TMEM50B: variants seen among roughly 807,000 people sequenced by gnomAD.
TMEM50B encodes HCV p7-trans-regulated protein 3.
A neutral mutation model predicts 23.4 loss-of-function variants in TMEM50B; 14 were observed. That is an observed-to-expected ratio of 0.60 (90% CI 0.39 to 0.93). The LOEUF is 0.93. Among genes scored for constraint, TMEM50B ranks in the 40% least tolerant of loss-of-function variants. The pLI, the probability that TMEM50B is intolerant of heterozygous loss-of-function variation, is 0.00. For missense variants in TMEM50B, 159 were observed against 193.0 expected, an observed-to-expected ratio of 0.82 and a Z score of 1.04; for synonymous variants, 64 against 62.3, an observed-to-expected ratio of 1.03 and a Z score of -0.13.
intron 1 of TMEM50B, among the ~76,000 whole-genome samples, chr21:33,470,507 G>A (rs1385150880): frequency 3.3e-5 from 5 of 151,236 alleles, no homozygotes; most frequent in Admixed American, 6.6e-5. Context: ...CAAGGCAGGC[G>A]GATCACGAAG....
At chr21:33,465,543 AACC>A in intron 3 of TMEM50B, 134 bp from the exon 4 acceptor site, 1 of 628,550 alleles carries the variant, frequency 1.6e-6, no homozygotes, top group South Asian at 3.0e-5. Context: ...ACATATTTTT[AACC>A]TAATAAAAAT....
At chr21:33,447,339 A>ACAG (rs2084071263), downstream of TMEM50B, among the ~76,000 whole-genome samples, 1 of 58,494 alleles carries the variant, frequency 1.7e-5, no homozygotes, top group Non-Finnish European at 2.8e-5. Context: ...GTGCACACCT[A>ACAG]TAGTAGACTG....
At chr21:33,456,934 T>G (rs538103606) in intron 5 of TMEM50B, among the ~76,000 whole-genome samples, 9 of 152,326 alleles carry the variant, frequency 5.9e-5, no homozygotes, top group African/African-American at 1.9e-4. Context: ...CTCTCTGAAA[T>G]AAAGTCATAT....
chr21:33,477,610 G>C (rs897508060), intron 1 of TMEM50B, among the ~76,000 whole-genome samples: 23 of 10,966 alleles, frequency 2.1e-3, no homozygotes, highest in African/African-American at 0.016. Context: ...GCCGAGGCGG[G>C]GGGGGGTTAC....
intron 4 of TMEM50B, among the ~76,000 whole-genome samples, chr21:33,462,168 T>G (rs771533563): frequency 1.7e-4 from 26 of 152,180 alleles, no homozygotes; most frequent in Non-Finnish European, 3.4e-4. Context: ...TATTTATTAT[T>G]TTGATACTTT....
chr21:33,456,383 CA>C (rs1370754610), intron 5 of TMEM50B, among the ~76,000 whole-genome samples: 2 of 152,142 alleles, frequency 1.3e-5, no homozygotes, highest in Non-Finnish European at 2.9e-5. Flanking sequence ...GGAGTTTTAT[CA>C]TGCAAATATG....
At position 33,449,560 on chromosome 21, in the gene TMEM50B, T is replaced by C. The variant is rs1464586149; in HGVS notation, c.*1258A>G. 6.6e-6 allele frequency: 1 copy of C among 152,278 alleles called. No homozygotes were observed. The highest frequency in any genetic ancestry group is 1.5e-5 in the Non-Finnish European group (1 of 68,044). The allele number at this position is 152,278 out of a possible 1,614,324, so 9.4% of individuals were successfully genotyped here. A position where few individuals can be genotyped will look rare whatever the true frequency, so the allele number is the denominator to read the frequency against. On this transcript the variant is annotated 3_prime_UTR_variant, in exon 7 of 7. Coordinates refer to ENST00000542230, the MANE Select transcript of TMEM50B (RefSeq NM_006134.7). ...CAAACTCAGTAAAAGGAGTTTTTGA[T>C]TGGAGTATGAACTTTCAAGTTGAAG...
intron 8 of TMEM50B, among the ~76,000 whole-genome samples, chr21:33,433,310 A>G (rs1237835902): frequency 6.6e-6 from 1 of 152,156 alleles, no homozygotes; most frequent in Non-Finnish European, 1.5e-5. Context: ...TTGTTTGTAC[A>G]CCCATGTTCA....
chr21:33,433,178 G>A (rs1467726487), intron 8 of TMEM50B, among the ~76,000 whole-genome samples: 6 of 152,032 alleles, frequency 3.9e-5, no homozygotes, highest in East Asian at 1.9e-4. Flanking sequence ...GAGCCACTGC[G>A]CCCGGCCACG....
At chr21:33,448,145 C>T (rs2084082940), downstream of TMEM50B, among the ~76,000 whole-genome samples, 3 of 152,012 alleles carry the variant, frequency 2.0e-5, no homozygotes, top group Admixed American at 2.0e-4. Context: ...AGGGGTGCAC[C>T]ACCACGCCTG....
chr21:33,462,844 T>TG (rs1270726961), intron 4 of TMEM50B, among the ~76,000 whole-genome samples: 1 of 152,242 alleles, frequency 6.6e-6, no homozygotes, highest in Admixed American at 6.5e-5. Context: ...ACATACAGGA[T>TG]ATGATGAAAA....
chr21:33,434,053 T>A (rs2083918546), intron 8 of TMEM50B, among the ~76,000 whole-genome samples: 1 of 152,090 alleles, frequency 6.6e-6, no homozygotes, highest in Non-Finnish European at 1.5e-5. Context: ...CATTGCCCAG[T>A]GGGTATTGCT....
At chr21:33,443,421 CACA>C (rs775365512) in intron 7 of TMEM50B, among the ~76,000 whole-genome samples, 19,964 of 151,990 alleles carry the variant, frequency 0.13, 1,375 homozygotes, top group Admixed American at 0.18. Flanking sequence ...CTGTGCACCG[CACA>C]ACCCCACAGG....
intron 8 of TMEM50B, among the ~76,000 whole-genome samples, chr21:33,438,697 C>T (rs1321417927): frequency 6.6e-6 from 1 of 150,376 alleles, no homozygotes; most frequent in Non-Finnish European, 1.5e-5. Context: ...ACATGGGAGG[C>T]AGTTGGGGCC....
intron 1 of TMEM50B, 44 bp from the exon 2 acceptor site, chr21:33,468,970 T>A: frequency 9.4e-7 from 1 of 1,069,266 alleles, no homozygotes; most frequent in Middle Eastern, 2.1e-4. Context: ...AGAAAATGTT[T>A]TCTAAAAGTA....
intron 6 of TMEM50B, 108 bp downstream of exon 6, chr21:33,455,619 A>G (rs2084161809): frequency 4.1e-6 from 4 of 971,490 alleles, no homozygotes; most frequent in South Asian, 2.8e-5. Flanking sequence ...AAGTTCTATC[A>G]TTGTAACCAA....
chr21:33,447,695 C>G (rs1253130289), downstream of TMEM50B, among the ~76,000 whole-genome samples: 1 of 107,154 alleles, frequency 9.3e-6, no homozygotes, highest in Non-Finnish European at 1.9e-5. Flanking sequence ...CACACACACA[C>G]ACACACACAC....
chr21:33,461,612 T>C (rs750666836), intron 4 of TMEM50B, among the ~76,000 whole-genome samples: 2 of 152,052 alleles, frequency 1.3e-5, no homozygotes, highest in Non-Finnish European at 2.9e-5. Context: ...GAGACCAGCC[T>C]GGGCAACATG....
chr21:33,436,461 G>A (rs983285313), intron 8 of TMEM50B, among the ~76,000 whole-genome samples: 1 of 151,470 alleles, frequency 6.6e-6, no homozygotes, highest in African/African-American at 2.4e-5. Context: ...AGTGGCTCAC[G>A]CCTATAATCC....
Sources: allele counts gnomAD v4.1 joint callset (sites outside exome capture counted in the v4.1 genomes callset), GRCh38; gene constraint gnomAD v4.1.1; transcripts MANE v1.5; gene names NCBI Gene and HGNC (gene_info 2026-07-23, HGNC 2026-07-21).